The following CDH13 variants were observed in gnomAD, a reference collection of about 807,000 sequenced individuals.
CDH13 encodes the protein cadherin 13.
A neutral mutation model predicts 63.8 loss-of-function variants in CDH13; 24 were observed. The observed-to-expected ratio is 0.38, with a 90% CI of 0.27 to 0.53. The LOEUF (loss-of-function observed/expected upper bound fraction) is 0.53. Ranked by LOEUF, CDH13 falls within the 20% of genes least tolerant of loss-of-function variation. The probability of loss-of-function intolerance (pLI) is 0.85; values close to 1 mark genes in which losing one functional copy is unlikely to be tolerated. For missense variants in CDH13, 1,049 were observed against 903.1 expected (o/e 1.16, Z -2.07); for synonymous variants, 503 against 355.3 (o/e 1.42, Z -4.67).
intron 1 of CDH13, among the ~76,000 whole-genome samples, chr16:82,821,564 C>G (rs1236856959): frequency 2.0e-5 from 3 of 152,170 alleles, no homozygotes; most frequent in African/African-American, 7.2e-5. Context: ...GTTGGGCTTA[C>G]AAGTGGCACA....
intron 2 of CDH13, among the ~76,000 whole-genome samples, chr16:82,911,425 T>G (rs141717570): frequency 2.5e-4 from 38 of 152,276 alleles, no homozygotes; most frequent in African/African-American, 8.2e-4. Context: ...TGTCTTTCCC[T>G]GTTTAGGAAA....
chr16:83,550,693 G>T lies in CDH13; in HGVS notation c.961-51761G>T, dbSNP rs192983998. On this transcript the variant is annotated intron_variant, in intron 7 of 13. Transcript: ENST00000567109. ...CCTCATGGAAAGTTCCATGAGGCCA[G>T]AGATCACATCTACTTTGTTCACTGT... Among the ~76,000 whole-genome samples, 167 of 152,310 alleles carry T rather than the reference G, an allele frequency of 1.1e-3. 4 individuals are homozygous for T. The highest frequency in any genetic ancestry group is 9.0e-3 in the Admixed American group (138 of 15,302).
chr16:82,855,423 G>A (rs2039644696), intron 1 of CDH13, among the ~76,000 whole-genome samples: 3 of 152,336 alleles, frequency 2.0e-5, no homozygotes, highest in Admixed American at 1.3e-4. Flanking sequence ...TGGTCTGGGA[G>A]CTGAGAGCAG....
At chr16:83,111,296 C>G (rs187011683) in intron 3 of CDH13, among the ~76,000 whole-genome samples, 163 of 152,136 alleles carry the variant, frequency 1.1e-3, no homozygotes, top group Admixed American at 4.8e-3. Context: ...TTGGATAGTG[C>G]CATGATAGAA....
At chr16:83,563,797 G>T (rs2075746998) in intron 7 of CDH13, among the ~76,000 whole-genome samples, 1 of 151,974 alleles carries the variant, frequency 6.6e-6, no homozygotes, top group African/African-American at 2.4e-5. Flanking sequence ...CCTTTCCTCT[G>T]CTCCCTGGCA....
intron 1 of CDH13, among the ~76,000 whole-genome samples, chr16:82,712,823 C>G (rs368255012): frequency 1.3e-5 from 2 of 152,144 alleles, no homozygotes; most frequent in East Asian, 3.9e-4. Flanking sequence ...TCCAGCTTTT[C>G]TCCACCATCA....
rs1332372777 is a variant in CDH13 at position 83,800,414 on chromosome 16, T to G, written c.*5384T>G. On this transcript the variant is annotated 3_prime_UTR_variant, in exon 14 of 14. Coordinates refer to ENST00000567109, the MANE Select transcript of CDH13 (RefSeq NM_001257.5). ...TTTATGTATCCCCCCAGATAAAAAT[T>G]TTAAGAAATTTTAAATGCTTTTTAT... 6.6e-6 allele frequency: 1 copy of G among 152,188 alleles called. No homozygotes were observed. The highest frequency in any genetic ancestry group is 1.5e-5 in the Non-Finnish European group (1 of 68,032). 9.4% of individuals were successfully genotyped at this position (152,188 alleles called of 1,614,324 possible). A position where few individuals can be genotyped will look rare whatever the true frequency, so the allele number is the denominator to read the frequency against.
In CDH13 at chr16:83,232,209, CT is replaced by C. The variant is rs1555516431; in HGVS notation, c.636+14730del. ...GTACCCTTGAAATTAAAAGTGTTTTCTTTTTTTTTTTTTTTTTTAAAAAAAA... is the reference window on the plus strand; with the variant it reads ...GTACCCTTGAAATTAAAAGTGTTTTCTTTTTTTTTTTTTTTTTAAAAAAAA... On this transcript the variant is annotated intron_variant, in intron 5 of 13. Transcript: ENST00000567109. 2.3e-3 allele frequency among the ~76,000 whole-genome samples: 157 copies of C among 68,850 alleles called. 2 individuals are homozygous for C. The highest frequency in any genetic ancestry group is 9.2e-3 in the African/African-American group (146 of 15,918). The allele number at this position is 68,850 out of a possible 152,430, so 45.2% of individuals were successfully genotyped here. A position where few individuals can be genotyped will look rare whatever the true frequency, so the allele number is the denominator to read the frequency against.
chr16:83,524,715 G>A (rs920497999), intron 7 of CDH13, among the ~76,000 whole-genome samples: 6 of 152,126 alleles, frequency 3.9e-5, no homozygotes, highest in Non-Finnish European at 8.8e-5. Context: ...GCCTTCCAAA[G>A]TGCTGGGATT....
rs371572523 is a variant in CDH13 at position 83,032,063 on chromosome 16, C to G, written c.211C>G (p.Pro71Ala). The G allele has an allele frequency of 4.3e-6, 7 of 1,610,462 alleles. No individual in the cohort carries two copies. In the African/African-American group the frequency reaches 9.3e-5, roughly 22 times the overall value. Residue 71 changes from proline to alanine, a missense_variant, in exon 3 of 14, where the codon CCA (proline) becomes GCA (alanine). Physicochemically the swap from Pro to Ala is conservative, Grantham distance 27. Transcript: ENST00000567109. ...CAAGCTACGCTATGAGGTCTCGAGC[C>G]CATACTTCAAGGTGAACAGCGATGG... is the stretch of plus-strand genomic sequence containing the variant. ...NDKLRYEVSS[P>A]YFKVNSDGGL...
intron 5 of CDH13, among the ~76,000 whole-genome samples, chr16:83,285,410 C>T (rs1334926093): frequency 6.6e-6 from 1 of 151,872 alleles, no homozygotes; most frequent in African/African-American, 2.4e-5. Flanking sequence ...GAGCTGACTG[C>T]CTGCAGTTGA....
chr16:83,389,306 T>C (rs1439563159), intron 6 of CDH13, among the ~76,000 whole-genome samples: 1 of 152,224 alleles, frequency 6.6e-6, no homozygotes, highest in Non-Finnish European at 1.5e-5. Flanking sequence ...TAAGCATTTT[T>C]TTAGGTGTTT....
intron 4 of CDH13, among the ~76,000 whole-genome samples, chr16:83,142,268 C>G (rs1050943126): frequency 3.4e-5 from 5 of 148,504 alleles, no homozygotes; most frequent in Non-Finnish European, 5.9e-5. Flanking sequence ...TCCAGCCATT[C>G]TCCTGTCTCA....
At chr16:83,292,794 A>T (rs898398836) in intron 5 of CDH13, among the ~76,000 whole-genome samples, 3 of 152,206 alleles carry the variant, frequency 2.0e-5, no homozygotes, top group Non-Finnish European at 2.9e-5. Flanking sequence ...CGATTATATT[A>T]GTTTAGCTTG....
At chr16:83,232,690 G>T (rs1182773508) in intron 5 of CDH13, among the ~76,000 whole-genome samples, 1 of 152,094 alleles carries the variant, frequency 6.6e-6, no homozygotes, top group Non-Finnish European at 1.5e-5. Flanking sequence ...CTGAGCAGAT[G>T]CCAGCATCAT....
Position 83,663,070 on chromosome 16 carries a change from C to T in CDH13, c.1102-7720C>T, listed in dbSNP as rs12446020. On this transcript the variant is annotated intron_variant, in intron 8 of 13. Transcript: ENST00000567109. ...TCCTTATCCAAATGACAAAAAATGGCCACCCCTTGCACAAATGCTGGGAAA... is the reference window on the plus strand; with the variant it reads ...TCCTTATCCAAATGACAAAAAATGGTCACCCCTTGCACAAATGCTGGGAAA... 9.4e-3 allele frequency among the ~76,000 whole-genome samples: 1,429 copies of T among 152,290 alleles called. 78 individuals are homozygous for T. In the East Asian group the frequency reaches 0.17, roughly 18 times the overall value.
At chr16:83,117,599 C>A (rs1173636539) in intron 3 of CDH13, among the ~76,000 whole-genome samples, 1 of 152,032 alleles carries the variant, frequency 6.6e-6, no homozygotes. Flanking sequence ...GGCACTGCAC[C>A]ATCCGAGATG....
chr16:83,652,744 A>G (rs1912505532), intron 8 of CDH13, among the ~76,000 whole-genome samples: 1 of 152,164 alleles, frequency 6.6e-6, no homozygotes. Flanking sequence ...AATGACTTGA[A>G]TCCCCAGCGC....
rs145820302 is a variant in CDH13 at position 83,316,811 on chromosome 16, G to T, written c.637-28051G>T. 7.0e-4 allele frequency among the ~76,000 whole-genome samples: 107 copies of T among 152,290 alleles called. 1 individual carries two copies. The highest frequency in any genetic ancestry group is 2.5e-3 in the African/African-American group (104 of 41,562). On this transcript the variant is annotated intron_variant, in intron 5 of 13. Transcript: ENST00000567109. ...AAACAAACAACTTCAAAATCACACTGGCCTAAAACAACAGATATTTATGCT... is the reference window on the plus strand; with the variant it reads ...AAACAAACAACTTCAAAATCACACTTGCCTAAAACAACAGATATTTATGCT...
Sources: allele counts gnomAD v4.1 joint callset (sites outside exome capture counted in the v4.1 genomes callset), GRCh38; gene constraint gnomAD v4.1.1; transcripts MANE v1.5; gene names NCBI Gene and HGNC (gene_info 2026-07-23, HGNC 2026-07-21).